Variants in CNTNAP2 observed in about 807,000 individuals in gnomAD.
The protein encoded by CNTNAP2 is contactin-associated protein-like 2.
CNTNAP2 carries 98 observed loss-of-function variants against 155.2 expected under a neutral mutation model. The observed-to-expected ratio is 0.63, with a 90% confidence interval of 0.54 to 0.75. CNTNAP2 has a LOEUF of 0.75. Ranked by LOEUF, CNTNAP2 falls within the 30% of genes least tolerant of loss-of-function variation. CNTNAP2 has a pLI of 0.00. For synonymous variants in CNTNAP2, 651 were observed against 631.2 expected, an observed-to-expected ratio of 1.03 and a Z score of -0.47; for missense variants, 1,727 against 1,688.1, an observed-to-expected ratio of 1.02 and a Z score of -0.40.
chr7:148,357,566 A>G (rs73745601), intron 21 of CNTNAP2, among the ~76,000 whole-genome samples: 1,972 of 152,092 alleles, frequency 0.013, 43 homozygotes, highest in African/African-American at 0.045. Context: ...CTGTGCCCCA[A>G]TCTAGATCCA....
chr7:147,180,824 G>T (rs1802441300), intron 8 of CNTNAP2, among the ~76,000 whole-genome samples: 1 of 152,008 alleles, frequency 6.6e-6, no homozygotes, highest in East Asian at 1.9e-4. Context: ...AAAAGAAAAT[G>T]AACTGTCATT....
chr7:146,164,130 C>A (rs556925095), intron 1 of CNTNAP2, among the ~76,000 whole-genome samples: 8 of 152,280 alleles, frequency 5.3e-5, no homozygotes, highest in African/African-American at 1.9e-4. Flanking sequence ...ACATTTATTT[C>A]CAGTTGGACT....
chr7:146,800,175 C>G (rs995876669), intron 2 of CNTNAP2, among the ~76,000 whole-genome samples: 1 of 152,142 alleles, frequency 6.6e-6, no homozygotes, highest in Non-Finnish European at 1.5e-5. Context: ...GCAACACTAG[C>G]TATTCAAACA....
chr7:147,446,841 G>A (rs1461458174), intron 10 of CNTNAP2, among the ~76,000 whole-genome samples: 1 of 152,144 alleles, frequency 6.6e-6, no homozygotes, highest in African/African-American at 2.4e-5. Context: ...TAAAGAAGTA[G>A]CATGTTAGGT....
intron 9 of CNTNAP2, among the ~76,000 whole-genome samples, chr7:147,330,949 T>G (rs767972866): frequency 3.9e-5 from 6 of 152,186 alleles, no homozygotes; most frequent in Non-Finnish European, 8.8e-5. Flanking sequence ...CTATCTGTAT[T>G]CAAGCTTCCT....
At chr7:147,197,428 C>T (rs1217937893) in intron 8 of CNTNAP2, among the ~76,000 whole-genome samples, 1 of 150,112 alleles carries the variant, frequency 6.7e-6, no homozygotes, top group African/African-American at 2.5e-5. Context: ...TCGTCCAGCT[C>T]TTTGTTCAAA....
In CNTNAP2 at chr7:148,420,671, C is replaced by T. The variant is rs1044518206; in HGVS notation, c.*5055C>T. On this transcript the variant is annotated 3_prime_UTR_variant, in exon 24 of 24. Transcript: ENST00000361727. Reference sequence around the variant, plus strand: ...GCTGTGAAAATATGGAAGTTCCTCTCAAGTAGGCCAAGAAACAGTTCTAGA... The same window carrying T: ...GCTGTGAAAATATGGAAGTTCCTCTTAAGTAGGCCAAGAAACAGTTCTAGA... 6.6e-6 allele frequency: 1 copy of T among 152,528 alleles called. No homozygotes were observed. Among genetic ancestry groups the T allele is most frequent in the African/African-American group, 2.4e-5 (1 of 41,452 alleles). The allele number at this position is 152,528 out of a possible 1,614,324, so 9.4% of individuals were successfully genotyped here.
chr7:147,462,083 C>T (rs889380508), intron 10 of CNTNAP2, among the ~76,000 whole-genome samples: 3 of 146,522 alleles, frequency 2.0e-5, no homozygotes, highest in African/African-American at 5.2e-5. Flanking sequence ...ACACTGCTCT[C>T]GTGACCCAGA....
chr7:146,737,218 T>C (rs1185424798), intron 1 of CNTNAP2, among the ~76,000 whole-genome samples: 1 of 152,148 alleles, frequency 6.6e-6, no homozygotes, highest in African/African-American at 2.4e-5. Context: ...TATATGTACA[T>C]TGTGAAATGA....
intron 9 of CNTNAP2, among the ~76,000 whole-genome samples, chr7:147,306,372 T>C (rs749426137): frequency 1.2e-4 from 19 of 152,298 alleles, no homozygotes; most frequent in Admixed American, 3.9e-4. Flanking sequence ...GTATCGTGCA[T>C]AGTGGATAAA....
At chr7:146,451,318 T>C (rs898909980) in intron 1 of CNTNAP2, among the ~76,000 whole-genome samples, 1 of 152,202 alleles carries the variant, frequency 6.6e-6, no homozygotes, top group Non-Finnish European at 1.5e-5. Context: ...AGAGAATCTA[T>C]GCCCAATAAC....
intron 3 of CNTNAP2, among the ~76,000 whole-genome samples, chr7:146,909,187 G>A (rs1386287846): frequency 6.6e-6 from 1 of 151,444 alleles, no homozygotes; most frequent in East Asian, 2.0e-4. Flanking sequence ...AAAGAGTCTA[G>A]GACCAGATGG....
At chr7:147,962,035 A>C (rs1158166516) in intron 14 of CNTNAP2, among the ~76,000 whole-genome samples, 3 of 137,744 alleles carry the variant, frequency 2.2e-5, no homozygotes, top group Non-Finnish European at 5.1e-5. Flanking sequence ...ATAGAGTATT[A>C]ATTTAATTAT....
intron 13 of CNTNAP2, among the ~76,000 whole-genome samples, chr7:147,884,329 A>G (rs868039102): frequency 1.5e-4 from 23 of 152,202 alleles, no homozygotes; most frequent in Non-Finnish European, 2.9e-5. Flanking sequence ...AAGAGTTGAA[A>G]TCAGAGAGGC....
chr7:146,759,546 T>A (rs979834855), intron 1 of CNTNAP2, among the ~76,000 whole-genome samples: 2 of 151,516 alleles, frequency 1.3e-5, no homozygotes, highest in African/African-American at 4.9e-5. Flanking sequence ...ACAAAAAAAA[T>A]TAGCTAGGTG....
chr7:146,375,944 A>C (rs1209324556), intron 1 of CNTNAP2, among the ~76,000 whole-genome samples: 1 of 152,090 alleles, frequency 6.6e-6, no homozygotes, highest in Admixed American at 6.5e-5. Context: ...CTTTGCCTTC[A>C]CCCTAACAGA....
At chr7:147,169,523 C>A in intron 8 of CNTNAP2, among the ~76,000 whole-genome samples, 1 of 152,028 alleles carries the variant, frequency 6.6e-6, no homozygotes, top group East Asian at 1.9e-4. Context: ...TAAGTGAGAA[C>A]ACGCGGTATT....
At chr7:146,673,381 A>G (rs1047608369) in intron 1 of CNTNAP2, among the ~76,000 whole-genome samples, 4 of 152,250 alleles carry the variant, frequency 2.6e-5, no homozygotes, top group African/African-American at 9.6e-5. Context: ...AACTATTTAC[A>G]TTCTATATAT....
intron 1 of CNTNAP2, among the ~76,000 whole-genome samples, chr7:146,681,460 G>A (rs1244441419): frequency 2.5e-5 from 2 of 78,626 alleles, no homozygotes; most frequent in African/African-American, 5.1e-5. Flanking sequence ...GCAGGGTGGC[G>A]GGGGGAGAGG....
Sources: allele counts gnomAD v4.1 joint callset (sites outside exome capture counted in the v4.1 genomes callset), GRCh38; gene constraint gnomAD v4.1.1; transcripts MANE v1.5; gene names NCBI Gene and HGNC (gene_info 2026-07-23, HGNC 2026-07-21).